Variants in MMEL1 observed in about 807,000 individuals in gnomAD.
The protein encoded by MMEL1 is membrane metalloendopeptidase like 1, also known as membrane metallo-endopeptidase-like 1.
MMEL1 carries 98 observed loss-of-function variants against 117.1 expected under a neutral mutation model. That is an observed-to-expected ratio of 0.84 (90% confidence interval 0.71 to 0.99). The LOEUF (loss-of-function observed/expected upper bound fraction) is 0.99. Among genes scored for constraint, MMEL1 ranks in the 50% least tolerant of loss-of-function variants. MMEL1 has a pLI of 0.00. For missense variants in MMEL1, 1,014 were observed against 1,049.1 expected (o/e 0.97, Z 0.46); for synonymous variants, 390 against 415.1 (o/e 0.94, Z 0.74).
intron 2 of MMEL1, among the ~76,000 whole-genome samples, chr1:2,624,041 G>A (rs187009755): frequency 2.5e-4 from 38 of 152,290 alleles, no homozygotes; most frequent in African/African-American, 9.1e-4. Flanking sequence ...TGGTTGACAT[G>A]GGGATGTGGT....
intron 11 of MMEL1, among the ~76,000 whole-genome samples, chr1:2,599,022 A>G (rs1265258128): frequency 1.3e-5 from 2 of 152,262 alleles, no homozygotes; most frequent in Non-Finnish European, 2.9e-5. Flanking sequence ...AAGTTCCTAG[A>G]AAAACACAAC....
intron 14 of MMEL1, 52 bp downstream of exon 14, chr1:2,596,509 G>C (rs772146599): frequency 1.3e-5 from 20 of 1,588,380 alleles, no homozygotes; most frequent in Non-Finnish European, 1.7e-5. Context: ...GGGAGGCTCG[G>C]TGTCCCTGTG....
At position 2,619,148 on chromosome 1, in the gene MMEL1, A is replaced by T. The variant is rs181419740; in HGVS notation, c.155-6944T>A. 6.5e-3 allele frequency among the ~76,000 whole-genome samples: 986 copies of T among 152,144 alleles called. 7 individuals are homozygous for T. The highest frequency in any genetic ancestry group is 8.6e-3 in the Non-Finnish European group (582 of 68,014). On this transcript the variant is annotated intron_variant, in intron 2 of 23. Transcript: ENST00000378412. ...GATTTCTTTCACTGCCAGGAGAGGGATCTGCGCAGGAATGCTTGCTGGGCT... is the reference window on the plus strand; with the variant it reads ...GATTTCTTTCACTGCCAGGAGAGGGTTCTGCGCAGGAATGCTTGCTGGGCT...
At chr1:2,597,243 T>C (rs2843402) in intron 13 of MMEL1, among the ~76,000 whole-genome samples, 88,186 of 151,850 alleles carry the variant, frequency 0.58, 26,720 homozygotes, top group Non-Finnish European at 0.68. Context: ...TTCCTGCCCT[T>C]TAGGAAAGGG....
intron 1 of MMEL1, among the ~76,000 whole-genome samples, chr1:2,631,983 T>C (rs1037546336): frequency 6.6e-5 from 10 of 152,170 alleles, no homozygotes; most frequent in Non-Finnish European, 1.3e-4. Context: ...AGCCAAACCC[T>C]TGGAGGAAGA....
At chr1:2,599,798 G>A (rs1407234837) in intron 11 of MMEL1, among the ~76,000 whole-genome samples, 1 of 151,306 alleles carries the variant, frequency 6.6e-6, no homozygotes, top group Non-Finnish European at 1.5e-5. Context: ...CAGAGGTTAT[G>A]GTGAGCTGAG....
chr1:2,629,847 T>G (rs28532547), intron 1 of MMEL1: 121,904 of 201,448 alleles, frequency 0.61, 37,978 homozygotes, highest in Non-Finnish European at 0.67. Flanking sequence ...CTCATGCTGG[T>G]TGTCTTGGAG....
chr1:2,598,094 G>A (rs1644874433), intron 13 of MMEL1, 113 bp downstream of exon 13: 11 of 1,025,850 alleles, frequency 1.1e-5, no homozygotes, highest in East Asian at 4.8e-5. Context: ...GCCCTGCCTC[G>A]TCCATGGCTG....
intron 11 of MMEL1, among the ~76,000 whole-genome samples, chr1:2,602,774 T>C (rs1351182510): frequency 6.6e-6 from 1 of 152,230 alleles, no homozygotes; most frequent in Non-Finnish European, 1.5e-5. Flanking sequence ...CCCCAGACTC[T>C]TGGGGAACTG....
At chr1:2,632,788 C>T (rs1309337011) in intron 1 of MMEL1, 78 bp downstream of exon 1, 9 of 912,032 alleles carry the variant, frequency 9.9e-6, no homozygotes, top group Non-Finnish European at 1.2e-5. Flanking sequence ...GAGAGGGTTT[C>T]AAGGCCCAGG....
At chr1:2,596,985 C>T (rs1352720796) in intron 13 of MMEL1, among the ~76,000 whole-genome samples, 1 of 152,072 alleles carries the variant, frequency 6.6e-6, no homozygotes, top group African/African-American at 2.4e-5. Context: ...CTGGACTCTG[C>T]TCTCCAGGAC....
In MMEL1 at chr1:2,625,343, T is replaced by C. The variant is rs551654076; in HGVS notation, c.154+3988A>G. Among the ~76,000 whole-genome samples, 16 of 152,310 alleles carry C rather than the reference T, an allele frequency of 1.1e-4. No individual in the cohort carries two copies. The South Asian group carries it at 3.1e-3, about 30-fold the overall frequency. ...CATCTGGGCGAGTTACTTCAGCCCA[T>C]TTATCAAGTGATCCAAAAGGCTGCC... On this transcript the variant is annotated intron_variant, in intron 2 of 23. Coordinates refer to ENST00000378412, the MANE Select transcript of MMEL1 (RefSeq NM_033467.4).
In MMEL1 at chr1:2,621,358, T is replaced by C. The variant is rs567599646; in HGVS notation, c.154+7973A>G. 5.3e-5 allele frequency among the ~76,000 whole-genome samples: 8 copies of C among 152,324 alleles called. No homozygotes were observed. In the South Asian group the frequency reaches 1.7e-3, roughly 32 times the overall value. On this transcript the variant is annotated intron_variant, in intron 2 of 23. Transcript: ENST00000378412. Reference sequence around the variant, plus strand: ...AAGTCTAATAAGAACTACAATCTATTTTCTCCAAAGCCTGCTACCTGGAGG... The same window carrying C: ...AAGTCTAATAAGAACTACAATCTATCTTCTCCAAAGCCTGCTACCTGGAGG...
At chr1:2,618,134 T>C (rs1645233443) in intron 2 of MMEL1, among the ~76,000 whole-genome samples, 1 of 152,230 alleles carries the variant, frequency 6.6e-6, no homozygotes, top group African/African-American at 2.4e-5. Context: ...AAGTCTCATG[T>C]TGAAATGTGA....
chr1:2,625,645 A>G (rs1638241819), intron 2 of MMEL1, among the ~76,000 whole-genome samples: 1 of 152,226 alleles, frequency 6.6e-6, no homozygotes, highest in Non-Finnish European at 1.5e-5. Flanking sequence ...GCTTTGGTGG[A>G]AAGTGAACGT....
intron 9 of MMEL1, 44 bp from the exon 10 acceptor site, chr1:2,604,325 C>T: frequency 6.2e-7 from 1 of 1,603,488 alleles, no homozygotes; most frequent in Non-Finnish European, 8.5e-7. Flanking sequence ...CCTCAGCCAC[C>T]ATGGCCCCCA....
At position 2,612,066 on chromosome 1, in the gene MMEL1, C is replaced by T; in HGVS notation, c.232+61G>A. 7.0e-7 allele frequency: 1 copy of T among 1,419,738 alleles called. No homozygotes were observed. The highest frequency in any genetic ancestry group is 2.5e-5 in the East Asian group (1 of 40,570). 87.9% of individuals were successfully genotyped at this position (1,419,738 alleles called of 1,614,324 possible). On this transcript the variant is annotated intron_variant, in intron 3 of 23. Coordinates refer to ENST00000378412, the MANE Select transcript of MMEL1 (RefSeq NM_033467.4). The surrounding 1 kb of genome is among the most constrained non-coding windows in gnomAD (Gnocchi z 5.4). ...CCCCTGCCCCTCCACGGAGTCCCCC[C>T]ACCTTGGGAGGCCAGCGCCCACCTG...
intron 2 of MMEL1, among the ~76,000 whole-genome samples, chr1:2,618,888 C>T (rs531213786): frequency 6.6e-5 from 10 of 152,298 alleles, no homozygotes; most frequent in African/African-American, 1.9e-4. Context: ...TGATCCAGAA[C>T]GTATGGAAGC....
In MMEL1 at chr1:2,603,114, T is replaced by A. The variant is rs376107740; in HGVS notation, c.1041+770A>T. On this transcript the variant is annotated intron_variant, in intron 11 of 23. Coordinates refer to ENST00000378412, the MANE Select transcript of MMEL1 (RefSeq NM_033467.4). ...AGGGACCACCAGCCTTCCAAGGCAC[T>A]AGGTGCCCTGGGGCGAGGCTCTCCC... is the stretch of plus-strand genomic sequence containing the variant. 1.7e-4 allele frequency among the ~76,000 whole-genome samples: 26 copies of A among 152,290 alleles called. No homozygotes were observed. The Middle Eastern group carries it at 0.01, about 60-fold the overall frequency.
Sources: allele counts gnomAD v4.1 joint callset (sites outside exome capture counted in the v4.1 genomes callset), GRCh38; gene constraint gnomAD v4.1.1; non-coding constraint Gnocchi (gnomAD v3.1); transcripts MANE v1.5; gene names NCBI Gene and HGNC (gene_info 2026-07-23, HGNC 2026-07-21).